The following PTPN13 variants were observed in gnomAD, a reference collection of about 807,000 sequenced individuals.
PTPN13 encodes tyrosine-protein phosphatase non-receptor type 13.
Under a neutral mutation model 284.0 loss-of-function variants are expected in PTPN13, and 191 were observed. The observed-to-expected ratio is 0.67, with a 90% confidence interval of 0.60 to 0.76. The LOEUF (loss-of-function observed/expected upper bound fraction) is 0.76, where lower values mean the gene tolerates loss of function less well. Among genes scored for constraint, PTPN13 ranks in the 30% least tolerant of loss-of-function variants. The probability of loss-of-function intolerance (pLI) is 0.00; values close to 1 mark genes in which losing one functional copy is unlikely to be tolerated. For missense variants in PTPN13, 2,797 were observed against 2,939.9 expected, an observed-to-expected ratio of 0.95 and a Z score of 1.12; for synonymous variants, 986 against 1,022.3, an observed-to-expected ratio of 0.96 and a Z score of 0.68.
In PTPN13 at chr4:86,763,081, A is replaced by G. The variant is rs114206680; in HGVS notation, c.3908A>G (p.Lys1303Arg). Residue 1303 changes from lysine to arginine, a missense_variant, in exon 24 of 48, where the codon AAA becomes AGA. Physicochemically the swap from Lys to Arg is conservative, Grantham distance 26 (BLOSUM62 2). Transcript: ENST00000411767. ...ACTTTCACTGATAGTAACCAAAGCA[A>G]AACTAAAAAGCCAGGCATTTCTGAT... Reference protein sequence around the residue: ...KETFTDSNQSKTKKPGISDVT... With the variant: ...KETFTDSNQSRTKKPGISDVT... The G allele has an allele frequency of 4.4e-4, 706 of 1,613,946 alleles. 2 individuals carry two copies. The African/African-American group carries it at 7.6e-3, about 17-fold the overall frequency.
chr4:86,769,252 C>T (rs1427230202), intron 28 of PTPN13, among the ~76,000 whole-genome samples: 3 of 152,084 alleles, frequency 2.0e-5, no homozygotes, highest in Admixed American at 2.0e-4. Flanking sequence ...TTTCATCTTT[C>T]TCACGCTGTA....
At chr4:86,798,781 C>A (rs1438083631) in intron 41 of PTPN13, among the ~76,000 whole-genome samples, 1 of 152,150 alleles carries the variant, frequency 6.6e-6, no homozygotes, top group Non-Finnish European at 1.5e-5. Flanking sequence ...GGAGAAAGAG[C>A]TATATGCCGG....
chr4:86,796,339 A>C (rs532071617), intron 40 of PTPN13, among the ~76,000 whole-genome samples: 1 of 152,316 alleles, frequency 6.6e-6, no homozygotes, highest in Admixed American at 6.5e-5. Flanking sequence ...TTTTAATATA[A>C]GAAATGAAGG....
intron 33 of PTPN13, 99 bp downstream of exon 33, chr4:86,774,630 C>T (rs973599061): frequency 3.2e-5 from 35 of 1,106,300 alleles, no homozygotes; most frequent in African/African-American, 9.7e-5. Context: ...TTTATCTATT[C>T]GGTTTATGCT....
At chr4:86,788,793 T>A (rs1178623322) in intron 40 of PTPN13, among the ~76,000 whole-genome samples, 1 of 152,206 alleles carries the variant, frequency 6.6e-6, no homozygotes, top group Non-Finnish European at 1.5e-5. Context: ...AATTTGCTTG[T>A]CCAGTCTAGT....
intron 7 of PTPN13, among the ~76,000 whole-genome samples, chr4:86,715,248 A>G (rs1271056379): frequency 6.6e-6 from 1 of 151,894 alleles, no homozygotes; most frequent in Non-Finnish European, 1.5e-5. Flanking sequence ...GTGTGTGTAT[A>G]TATGTGTATA....
In PTPN13 at chr4:86,618,452, T is replaced by A. The variant is rs374655354; in HGVS notation, c.-5-16800T>A. On this transcript the variant is annotated intron_variant, in intron 1 of 47. Coordinates refer to ENST00000411767, the MANE Select transcript of PTPN13 (RefSeq NM_080683.3). ...TATGAACTTTAAAGTAGTTTTTTCC[T>A]ATTCTGTGAAGAAAGTCATTGGTAG... is the stretch of plus-strand genomic sequence containing the variant. Among the ~76,000 whole-genome samples the A allele has an allele frequency of 1.6e-4, 24 of 152,210 alleles. No individual in the cohort carries two copies. In the East Asian group the frequency reaches 2.1e-3, roughly 13 times the overall value.
chr4:86,742,140 T>C (rs1481781572), intron 16 of PTPN13, among the ~76,000 whole-genome samples: 1 of 152,214 alleles, frequency 6.6e-6, no homozygotes, highest in African/African-American at 2.4e-5. Context: ...GGAGAAATCC[T>C]CCTAATGTTT....
At chr4:86,602,022 T>C (rs1764335884) in intron 1 of PTPN13, among the ~76,000 whole-genome samples, 1 of 152,178 alleles carries the variant, frequency 6.6e-6, no homozygotes, top group African/African-American at 2.4e-5. Context: ...TAAATCAATC[T>C]ATTGGCAGGA....
chr4:86,665,944 C>T (rs569970230), intron 2 of PTPN13, among the ~76,000 whole-genome samples: 1 of 152,262 alleles, frequency 6.6e-6, no homozygotes, highest in South Asian at 2.1e-4. Context: ...ATAGTCACCA[C>T]TTTTATATGG....
intron 47 of PTPN13, among the ~76,000 whole-genome samples, chr4:86,813,867 CCAAT>C (rs1457990082): frequency 6.6e-6 from 1 of 152,064 alleles, no homozygotes; most frequent in African/African-American, 2.4e-5. Context: ...TAGTGGCCCA[CCAAT>C]CAAAGACAAC....
chr4:86,679,639 A>G (rs1009179322), intron 3 of PTPN13, among the ~76,000 whole-genome samples: 1 of 152,210 alleles, frequency 6.6e-6, no homozygotes, highest in African/African-American at 2.4e-5. Flanking sequence ...TTTAACCCAG[A>G]GGTATCTATG....
intron 2 of PTPN13, among the ~76,000 whole-genome samples, chr4:86,637,964 T>G (rs925224245): frequency 1.3e-5 from 2 of 152,034 alleles, no homozygotes; most frequent in Non-Finnish European, 2.9e-5. Flanking sequence ...CTTAAGCTGA[T>G]AAGCAACTTC....
chr4:86,766,318 T>G lies in PTPN13; in HGVS notation c.4244-114T>G, dbSNP rs1739305956. 4 of 723,614 alleles carry G rather than the reference T, an allele frequency of 5.5e-6. No individual in the cohort carries two copies. The South Asian group carries it at 7.1e-5, about 13-fold the overall frequency. The allele number at this position is 723,614 out of a possible 1,614,324, so 44.8% of individuals were successfully genotyped here. A position where few individuals can be genotyped will look rare whatever the true frequency, so the allele number is the denominator to read the frequency against. On this transcript the variant is annotated intron_variant, in intron 26 of 47. Transcript: ENST00000411767. ...TATTAAAGAAACTCTGTAACACAATTTCTTCCAGAATTTGCCTGAGTCCCT... is the reference window on the plus strand; with the variant it reads ...TATTAAAGAAACTCTGTAACACAATGTCTTCCAGAATTTGCCTGAGTCCCT...
intron 31 of PTPN13, 84 bp downstream of exon 31, chr4:86,771,619 G>C: frequency 1.5e-6 from 2 of 1,357,978 alleles, no homozygotes; most frequent in Admixed American, 2.5e-5. Context: ...TCTTAAGAAT[G>C]AAATGTATGT....
chr4:86,694,579 CAAAAAAAAAAA>C (rs1000226646), intron 6 of PTPN13, among the ~76,000 whole-genome samples: 1 of 32,362 alleles, frequency 3.1e-5, no homozygotes, highest in African/African-American at 1.2e-4. Flanking sequence ...ACTTCTGTCT[CAAAAAAAAAAA>C]AAAAAAAAAA....
intron 44 of PTPN13, 118 bp from the exon 45 acceptor site, chr4:86,807,442 T>A: frequency 1.4e-6 from 1 of 719,262 alleles, no homozygotes; most frequent in Non-Finnish European, 2.3e-6. Context: ...TAAAATACGT[T>A]GGTGATTTCA....
chr4:86,686,866 T>A, intron 4 of PTPN13, 91 bp downstream of exon 4: 1 of 863,626 alleles, frequency 1.2e-6, no homozygotes, highest in Non-Finnish European at 1.8e-6. Context: ...ATACGTGTTC[T>A]ACAGCATGCT....
At chr4:86,799,319 T>A in intron 42 of PTPN13, 115 bp downstream of exon 42, 1 of 238,420 alleles carries the variant, frequency 4.2e-6, no homozygotes, top group Non-Finnish European at 6.7e-6. Flanking sequence ...ATTATTTGCT[T>A]TTTTTTTTTT....
Sources: allele counts gnomAD v4.1 joint callset (sites outside exome capture counted in the v4.1 genomes callset), GRCh38; gene constraint gnomAD v4.1.1; transcripts MANE v1.5; gene names NCBI Gene and HGNC (gene_info 2026-07-23, HGNC 2026-07-21).